The following HSD17B4 variants were observed in gnomAD, a reference collection of about 807,000 sequenced individuals.
HSD17B4 encodes the protein peroxisomal multifunctional enzyme type 2.
In HSD17B4, 70 loss-of-function variants were observed where a neutral mutation model predicts 101.0. That is an observed-to-expected ratio of 0.69 (90% CI 0.57 to 0.85). HSD17B4 has a LOEUF of 0.85. HSD17B4 is among the 40% of genes least tolerant of loss of function. HSD17B4 has a pLI of 0.00. For missense variants in HSD17B4, 984 were observed against 892.4 expected, an observed-to-expected ratio of 1.10 and a Z score of -1.31; for synonymous variants, 347 against 297.1, an observed-to-expected ratio of 1.17 and a Z score of -1.73.
chr5:119,510,368 T>C (rs1752060412), intron 16 of HSD17B4, among the ~76,000 whole-genome samples: 1 of 152,252 alleles, frequency 6.6e-6, no homozygotes, highest in Non-Finnish European at 1.5e-5. Flanking sequence ...GGTTATTCTT[T>C]TGTTCTCAAA....
Position 119,491,372 on chromosome 5 carries a change from CA to C in HSD17B4, c.715-727del, listed in dbSNP as rs373186939. ...GCTGATACATTTCTTCTATCATATG[CA>C]TATGAAATTTTTGTGGTAAGTTTGG... On this transcript the variant is annotated intron_variant, in intron 9 of 23. Coordinates refer to ENST00000510025, the MANE Select transcript of HSD17B4 (RefSeq NM_000414.4). Among the ~76,000 whole-genome samples the C allele has an allele frequency of 3.8e-4, 58 of 151,732 alleles. 1 individual carries two copies. The highest frequency in any genetic ancestry group is 1.4e-3 in the African/African-American group (56 of 41,342).
At chr5:119,531,991 C>T (rs1368922030) in intron 22 of HSD17B4, among the ~76,000 whole-genome samples, 1 of 152,110 alleles carries the variant, frequency 6.6e-6, no homozygotes, top group Non-Finnish European at 1.5e-5. Flanking sequence ...TTTCTTTTCA[C>T]TGATGTGGAG....
At chr5:119,504,651 A>G (rs1409880319) in intron 14 of HSD17B4, among the ~76,000 whole-genome samples, 1 of 151,948 alleles carries the variant, frequency 6.6e-6, no homozygotes, top group African/African-American at 2.4e-5. Flanking sequence ...TTGTTGAACT[A>G]CGTTCCTCAT....
At chr5:119,483,785 G>T (rs569922782) in intron 8 of HSD17B4, among the ~76,000 whole-genome samples, 111 of 152,086 alleles carry the variant, frequency 7.3e-4, no homozygotes, top group African/African-American at 2.6e-3. Context: ...GTAAATCCTA[G>T]ACATTATATT....
At chr5:119,483,633 T>C (rs1749345421) in intron 8 of HSD17B4, among the ~76,000 whole-genome samples, 1 of 152,208 alleles carries the variant, frequency 6.6e-6, no homozygotes. Context: ...GAAAGACTTT[T>C]TTGTGTAGCT....
intron 17 of HSD17B4, 92 bp downstream of exon 17, chr5:119,515,138 A>T (rs1580668621): frequency 1.0e-5 from 8 of 774,802 alleles, no homozygotes; most frequent in Non-Finnish European, 1.9e-5. Flanking sequence ...TATGCATCTA[A>T]TGCATAATGA....
At chr5:119,475,800 C>T in intron 5 of HSD17B4, 24 bp from the exon 6 acceptor site, 1 of 1,587,222 alleles carries the variant, frequency 6.3e-7, no homozygotes, top group Non-Finnish European at 8.7e-7. Context: ...CCTCCTTTTA[C>T]CCTATACAAC....
At chr5:119,463,803 G>A (rs1755527296) in intron 2 of HSD17B4, among the ~76,000 whole-genome samples, 1 of 150,730 alleles carries the variant, frequency 6.6e-6, no homozygotes, top group Non-Finnish European at 1.5e-5. Flanking sequence ...TTAGTAACTG[G>A]GACTACAGGC....
At chr5:119,498,575 A>G (rs1561462525) in intron 12 of HSD17B4, among the ~76,000 whole-genome samples, 1 of 151,286 alleles carries the variant, frequency 6.6e-6, no homozygotes, top group Non-Finnish European at 1.5e-5. Context: ...AGTTAATTTT[A>G]TTTTACTTAA....
intron 9 of HSD17B4, among the ~76,000 whole-genome samples, chr5:119,489,708 G>T (rs1749923545): frequency 6.6e-6 from 1 of 152,084 alleles, no homozygotes; most frequent in Non-Finnish European, 1.5e-5. Flanking sequence ...TAAACCCTTG[G>T]CATAAGGCCT....
At chr5:119,518,165 C>A (rs1463431526) in intron 17 of HSD17B4, among the ~76,000 whole-genome samples, 1 of 152,146 alleles carries the variant, frequency 6.6e-6, no homozygotes, top group East Asian at 1.9e-4. Flanking sequence ...CTTGCTACTG[C>A]TCACTCTTTG....
At position 119,490,935 on chromosome 5, in the gene HSD17B4, T is replaced by C. The variant is rs57569930; in HGVS notation, c.715-1165T>C. On this transcript the variant is annotated intron_variant, in intron 9 of 23. Coordinates refer to ENST00000510025, the MANE Select transcript of HSD17B4 (RefSeq NM_000414.4). ...TAATGCTGCAGATGAAGTTTTGTTATGTTGCTGTTTTCTTTTACTATATTG... is the reference window on the plus strand; with the variant it reads ...TAATGCTGCAGATGAAGTTTTGTTACGTTGCTGTTTTCTTTTACTATATTG... Among the ~76,000 whole-genome samples, 313 of 152,324 alleles carry C rather than the reference T, an allele frequency of 2.1e-3. 1 individual carries two copies. The highest frequency in any genetic ancestry group is 7.1e-3 in the African/African-American group (295 of 41,584).
rs200008087 is a variant in HSD17B4 at position 119,508,432 on chromosome 5, T to G, written c.1334-709T>G. Reference sequence around the variant, plus strand: ...TTGGCATGCCTTTCCTTATTTTTGTTTATAATTAGATTTTTCTTTAGTATG... The same window carrying G: ...TTGGCATGCCTTTCCTTATTTTTGTGTATAATTAGATTTTTCTTTAGTATG... On this transcript the variant is annotated intron_variant, in intron 15 of 23. Coordinates refer to ENST00000510025, the MANE Select transcript of HSD17B4 (RefSeq NM_000414.4). Among the ~76,000 whole-genome samples the G allele has an allele frequency of 1.2e-4, 18 of 152,324 alleles. No homozygotes were observed. The East Asian group carries it at 2.5e-3, about 21-fold the overall frequency.
intron 12 of HSD17B4, among the ~76,000 whole-genome samples, chr5:119,497,216 T>G (rs1373260109): frequency 6.8e-6 from 1 of 147,152 alleles, no homozygotes; most frequent in African/African-American, 2.5e-5. Flanking sequence ...CATTGGGGGG[T>G]GTGATGAATC....
At chr5:119,508,530 GTAAA>G (rs1331901086) in intron 15 of HSD17B4, among the ~76,000 whole-genome samples, 3 of 152,190 alleles carry the variant, frequency 2.0e-5, no homozygotes, top group Admixed American at 1.3e-4. Flanking sequence ...TAGTAAGTTA[GTAAA>G]TAGAGGGACA....
intron 1 of HSD17B4, among the ~76,000 whole-genome samples, chr5:119,453,496 A>C (rs959264554): frequency 6.6e-6 from 1 of 152,260 alleles, no homozygotes; most frequent in African/African-American, 2.4e-5. Context: ...GTTTCTCACC[A>C]GTGGGTGACC....
intron 20 of HSD17B4, among the ~76,000 whole-genome samples, chr5:119,528,382 T>A (rs1229376236): frequency 2.0e-5 from 3 of 152,176 alleles, no homozygotes; most frequent in Non-Finnish European, 4.4e-5. Context: ...AATATCATTT[T>A]CCTGCTTAAT....
At chr5:119,492,213 A>G in intron 10 of HSD17B4, 89 bp downstream of exon 10, 2 of 936,754 alleles carry the variant, frequency 2.1e-6, no homozygotes, top group Non-Finnish European at 3.6e-6. Flanking sequence ...ATTTTTGTCA[A>G]ATGCCTAACC....
Position 119,489,230 on chromosome 5 carries a change from C to T in HSD17B4, c.661C>T (p.Leu221Phe), listed in dbSNP as rs1554064092. ...CCTGAAGCCAGAGTATGTGGCACCT[C>T]TTGTCCTTTGGCTTTGTCACGAGAG... The part of the protein sequence containing the change: ...EALKPEYVAP[L>F]VLWLCHESCE... Residue 221 changes from leucine (L) to phenylalanine (F), a missense_variant, in exon 9 of 24, where the codon CTT becomes TTT. By Grantham distance (22) the Leu-to-Phe change is conservative. Coordinates refer to ENST00000510025, the MANE Select transcript of HSD17B4 (RefSeq NM_000414.4). 6.2e-7 allele frequency: 1 copy of T among 1,612,764 alleles called. No individual in the cohort carries two copies. The highest frequency in any genetic ancestry group is 1.7e-4 in the Middle Eastern group (1 of 6,052).
Sources: allele counts gnomAD v4.1 joint callset (sites outside exome capture counted in the v4.1 genomes callset), GRCh38; gene constraint gnomAD v4.1.1; transcripts MANE v1.5; gene names NCBI Gene and HGNC (gene_info 2026-07-23, HGNC 2026-07-21).